The following TCF4 variants were observed in gnomAD, a reference collection of about 807,000 sequenced individuals.
TCF4 encodes SL3-3 enhancer factor 2.
A neutral mutation model predicts 82.1 loss-of-function variants in TCF4; 3 were observed. The ratio of observed to expected loss-of-function variants is 0.04; its 90% CI spans 0.02 to 0.09. The LOEUF is 0.09. Ranked by LOEUF, TCF4 falls within the 10% of genes least tolerant of loss-of-function variation. TCF4 has a pLI of 1.00. For missense variants in TCF4, 518 were observed against 852.7 expected (o/e 0.61, Z 4.89); for synonymous variants, 276 against 309.6 (o/e 0.89, Z 1.14).
At chr18:55,617,811 C>CTCTG (rs2097713654) in intron 2 of TCF4, among the ~76,000 whole-genome samples, 1 of 140,610 alleles carries the variant, frequency 7.1e-6, no homozygotes, top group East Asian at 2.1e-4. Flanking sequence ...TTAATTCTAA[C>CTCTG]TGTGTGTGTG....
chr18:55,621,409 G>T (rs1603625555), intron 2 of TCF4, among the ~76,000 whole-genome samples: 1 of 113,092 alleles, frequency 8.8e-6, no homozygotes, highest in Non-Finnish European at 1.7e-5. Flanking sequence ...GGTACTGCCT[G>T]ATATATATAT....
At chr18:55,493,873 G>A (rs1432398419) in intron 3 of TCF4, among the ~76,000 whole-genome samples, 1 of 151,932 alleles carries the variant, frequency 6.6e-6, no homozygotes, top group Non-Finnish European at 1.5e-5. Flanking sequence ...ATTTCCCCAG[G>A]TCAAAGATCC....
At chr18:55,276,106 T>C (rs112105980) in intron 9 of TCF4, among the ~76,000 whole-genome samples, 6 of 152,258 alleles carry the variant, frequency 3.9e-5, no homozygotes, top group South Asian at 2.1e-4. Context: ...AAAAGTTAAA[T>C]TGTTCCTAAA....
intron 15 of TCF4, among the ~76,000 whole-genome samples, chr18:55,250,808 G>A (rs1414294399): frequency 6.6e-6 from 1 of 152,168 alleles, no homozygotes; most frequent in Non-Finnish European, 1.5e-5. Flanking sequence ...TACAACAGTT[G>A]GTAAGGCAGA....
intron 15 of TCF4, among the ~76,000 whole-genome samples, chr18:55,252,071 C>T (rs1158384528): frequency 6.6e-6 from 1 of 151,788 alleles, no homozygotes; most frequent in East Asian, 1.9e-4. Context: ...AAATTCATAC[C>T]AGTTTGCACG....
chr18:55,584,154 T>C (rs1013091151), intron 3 of TCF4, among the ~76,000 whole-genome samples: 1 of 152,140 alleles, frequency 6.6e-6, no homozygotes, highest in Non-Finnish European at 1.5e-5. Context: ...AAGCCATTAG[T>C]TTTATAAAAA....
intron 6 of TCF4, among the ~76,000 whole-genome samples, chr18:55,368,068 C>T (rs1344186122): frequency 6.6e-6 from 1 of 152,130 alleles, no homozygotes; most frequent in Non-Finnish European, 1.5e-5. Flanking sequence ...AATAACATAT[C>T]CAAGATTACC....
intron 16 of TCF4, among the ~76,000 whole-genome samples, chr18:55,233,147 A>C (rs2144617715): frequency 6.6e-6 from 1 of 152,330 alleles, no homozygotes; most frequent in South Asian, 2.1e-4. Flanking sequence ...TCTTATTCTC[A>C]AGAAGTAATC....
At chr18:55,374,936 T>C (rs1190336363) in intron 6 of TCF4, among the ~76,000 whole-genome samples, 1 of 148,986 alleles carries the variant, frequency 6.7e-6, no homozygotes, top group Non-Finnish European at 1.5e-5. Flanking sequence ...ATTCCCCTCT[T>C]ATATAAGCTA....
chr18:55,463,977 T>TGTGTGTGTGAGA (rs867214369), intron 4 of TCF4, 99 bp downstream of exon 4: 28 of 303,826 alleles, frequency 9.2e-5, no homozygotes, highest in Middle Eastern at 9.5e-4. Flanking sequence ...TGTGTGTGTG[T>TGTGTGTGTGAGA]GAGAGAGAGA....
intron 5 of TCF4, among the ~76,000 whole-genome samples, chr18:55,418,967 CAA>C (rs2094625185): frequency 6.6e-6 from 1 of 152,094 alleles, no homozygotes; most frequent in Non-Finnish European, 1.5e-5. Flanking sequence ...ACCTCAGCAC[CAA>C]CAGAGTGCAT....
chr18:55,306,956 T>C (rs916468110), intron 8 of TCF4, among the ~76,000 whole-genome samples: 19 of 152,140 alleles, frequency 1.2e-4, no homozygotes, highest in Non-Finnish European at 2.5e-4. Context: ...ACAACTGCAA[T>C]AACACCACCA....
chr18:55,340,115 C>G (rs2079537770), intron 8 of TCF4, among the ~76,000 whole-genome samples: 1 of 152,170 alleles, frequency 6.6e-6, no homozygotes, highest in Admixed American at 6.5e-5. Context: ...CTTGGGCAGA[C>G]CCGTTCCCGG....
intron 3 of TCF4, among the ~76,000 whole-genome samples, chr18:55,566,140 G>A (rs1223544854): frequency 6.6e-6 from 1 of 152,112 alleles, no homozygotes; most frequent in Non-Finnish European, 1.5e-5. Context: ...GTGAACCAGG[G>A]AGGCGGAGCA....
intron 6 of TCF4, chr18:55,401,031 G>A: frequency 7.8e-7 from 1 of 1,289,106 alleles, no homozygotes. Flanking sequence ...CATTTCAGCT[G>A]TGATCTGCTA....
chr18:55,478,783 G>A (rs573366676), intron 3 of TCF4, among the ~76,000 whole-genome samples: 1 of 133,354 alleles, frequency 7.5e-6, no homozygotes, highest in Non-Finnish European at 1.6e-5. Flanking sequence ...AAAGAATTTT[G>A]CAACCAGAGA....
intron 6 of TCF4, among the ~76,000 whole-genome samples, chr18:55,380,129 A>G (rs2091627493): frequency 6.6e-6 from 1 of 151,452 alleles, no homozygotes; most frequent in Non-Finnish European, 1.5e-5. Flanking sequence ...TGATCCTCCT[A>G]CCTCAACCTC....
At chr18:55,626,311 T>C (rs1421617684) in intron 2 of TCF4, among the ~76,000 whole-genome samples, 5 of 152,206 alleles carry the variant, frequency 3.3e-5, no homozygotes, top group Admixed American at 2.6e-4. Context: ...AGGTTTCCTT[T>C]ATTAGATCAT....
intron 15 of TCF4, among the ~76,000 whole-genome samples, chr18:55,254,095 T>A (rs1281396955): frequency 6.6e-6 from 1 of 152,190 alleles, no homozygotes; most frequent in Non-Finnish European, 1.5e-5. Flanking sequence ...ACTGCAACAG[T>A]CATGCTAAGT....
Sources: gnomAD v4.1 joint callset for allele counts (sites outside exome capture counted in the v4.1 genomes callset) on GRCh38, gnomAD v4.1.1 for gene constraint, MANE v1.5 for transcripts, NCBI Gene and HGNC (gene_info 2026-07-23, HGNC 2026-07-21) for gene names.